B3GALT1: variants seen among roughly 807,000 people sequenced by gnomAD.
B3GALT1 encodes beta-1,3-galactosyltransferase 1.
In B3GALT1, 10 loss-of-function variants were observed where a neutral mutation model predicts 23.2. That is an observed-to-expected ratio of 0.43 (90% CI 0.27 to 0.73). The LOEUF is 0.73. Among genes scored for constraint, B3GALT1 ranks in the 30% least tolerant of loss-of-function variants. The pLI is 0.21. For synonymous variants in B3GALT1, 156 were observed against 141.5 expected (o/e 1.10, Z -0.73); for missense variants, 299 against 405.4 (o/e 0.74, Z 2.25).
intron 3 of B3GALT1, among the ~76,000 whole-genome samples, chr2:167,817,404 T>A (rs1184842597): frequency 6.6e-6 from 1 of 152,212 alleles, no homozygotes; most frequent in Non-Finnish European, 1.5e-5. Context: ...TTTCTATGTA[T>A]TCATTTATTT....
At chr2:167,700,409 C>T (rs1686860192) in intron 3 of B3GALT1, among the ~76,000 whole-genome samples, 1 of 152,032 alleles carries the variant, frequency 6.6e-6, no homozygotes, top group Non-Finnish European at 1.5e-5. Flanking sequence ...GAGAATCACT[C>T]CTTTTCATTG....
At chr2:167,520,946 T>C (rs1349866885) in intron 2 of B3GALT1, among the ~76,000 whole-genome samples, 1 of 152,210 alleles carries the variant, frequency 6.6e-6, no homozygotes, top group Non-Finnish European at 1.5e-5. Context: ...CTGTTAACCA[T>C]TGATCCTCTT....
chr2:167,649,630 A>AT (rs984654857), intron 3 of B3GALT1, among the ~76,000 whole-genome samples: 1 of 152,018 alleles, frequency 6.6e-6, no homozygotes, highest in Non-Finnish European at 1.5e-5. Flanking sequence ...TGTATCAGTA[A>AT]TTTGTTTCCT....
intron 4 of B3GALT1, among the ~76,000 whole-genome samples, chr2:167,842,779 C>T (rs985758070): frequency 1.3e-5 from 2 of 152,032 alleles, no homozygotes; most frequent in South Asian, 2.1e-4. Flanking sequence ...AAGGCTGAGG[C>T]GGGAGGATTA....
intron 2 of B3GALT1, among the ~76,000 whole-genome samples, chr2:167,512,550 A>ATG (rs764551324): frequency 1.1e-5 from 1 of 89,872 alleles, no homozygotes; most frequent in Admixed American, 1.2e-4. Context: ...ATATATGTAT[A>ATG]TATATGTATA....
At chr2:167,841,798 A>G (rs1225750032) in intron 4 of B3GALT1, among the ~76,000 whole-genome samples, 2 of 152,382 alleles carry the variant, frequency 1.3e-5, no homozygotes, top group South Asian at 2.1e-4. Flanking sequence ...TTCAGATTCT[A>G]TATTTGCCAA....
chr2:167,463,144 T>C (rs1283422358), intron 1 of B3GALT1, among the ~76,000 whole-genome samples: 1 of 152,252 alleles, frequency 6.6e-6, no homozygotes, highest in African/African-American at 2.4e-5. Flanking sequence ...CTGTTTCTGA[T>C]AACTATTATA....
chr2:167,796,545 G>A (rs1055083877), intron 3 of B3GALT1, among the ~76,000 whole-genome samples: 1 of 152,088 alleles, frequency 6.6e-6, no homozygotes, highest in African/African-American at 2.4e-5. Flanking sequence ...ACAGGAGTTC[G>A]AGACCAGCCT....
At chr2:167,444,421 A>G (rs111807374) in intron 1 of B3GALT1, among the ~76,000 whole-genome samples, 4,680 of 152,186 alleles carry the variant, frequency 0.031, 224 homozygotes, top group African/African-American at 0.11. Flanking sequence ...TCTATCGATT[A>G]GAATAGTTTC....
intron 1 of B3GALT1, among the ~76,000 whole-genome samples, chr2:167,395,892 A>C (rs891845846): frequency 2.6e-5 from 4 of 152,172 alleles, no homozygotes; most frequent in African/African-American, 9.6e-5. Flanking sequence ...TTAATAACTA[A>C]GAGGAATTTC....
chr2:167,320,688 A>G (rs954183846), intron 1 of B3GALT1, among the ~76,000 whole-genome samples: 3 of 152,164 alleles, frequency 2.0e-5, no homozygotes, highest in African/African-American at 4.8e-5. Flanking sequence ...TGTTTCCTGT[A>G]TAGATTACAA....
chr2:167,308,266 T>C (rs1476669058), intron 1 of B3GALT1, among the ~76,000 whole-genome samples: 1 of 152,028 alleles, frequency 6.6e-6, no homozygotes. Context: ...AAGAATTTAA[T>C]ACCAGAACCT....
chr2:167,522,607 T>G (rs935483522), intron 2 of B3GALT1, among the ~76,000 whole-genome samples: 1 of 152,166 alleles, frequency 6.6e-6, no homozygotes, highest in African/African-American at 2.4e-5. Context: ...GTTGTGTATT[T>G]AATTCACAAA....
At chr2:167,508,255 T>C (rs1004781440) in intron 2 of B3GALT1, among the ~76,000 whole-genome samples, 10 of 134,832 alleles carry the variant, frequency 7.4e-5, no homozygotes, top group African/African-American at 3.1e-4. Flanking sequence ...TTTATTTTTA[T>C]TAATTTTTTT....
At chr2:167,560,375 G>T (rs1683953506) in intron 2 of B3GALT1, among the ~76,000 whole-genome samples, 1 of 152,048 alleles carries the variant, frequency 6.6e-6, no homozygotes, top group Middle Eastern at 3.4e-3. Context: ...AGACCATCGA[G>T]ACTAGGAAGA....
chr2:167,548,722 G>GTA (rs1265126333), intron 2 of B3GALT1, among the ~76,000 whole-genome samples: 1 of 151,228 alleles, frequency 6.6e-6, no homozygotes, highest in Non-Finnish European at 1.5e-5. Context: ...GTGTGTATGT[G>GTA]TGTGTCTATG....
intron 2 of B3GALT1, among the ~76,000 whole-genome samples, chr2:167,562,411 C>G (rs1370036277): frequency 1.3e-5 from 2 of 152,128 alleles, no homozygotes; most frequent in African/African-American, 4.8e-5. Context: ...CAGGGTTGCC[C>G]TCTCTCACCA....
chr2:167,423,835 A>T (rs1167120730), intron 1 of B3GALT1, among the ~76,000 whole-genome samples: 1 of 152,106 alleles, frequency 6.6e-6, no homozygotes, highest in Non-Finnish European at 1.5e-5. Flanking sequence ...ACTTCCCCAC[A>T]TAAAGCAAGG....
intron 1 of B3GALT1, among the ~76,000 whole-genome samples, chr2:167,471,761 G>A (rs1218614472): frequency 2.0e-5 from 3 of 152,066 alleles, no homozygotes; most frequent in South Asian, 2.1e-4. Context: ...CTTTAAAGTA[G>A]GAGTGATGAT....
Sources: gnomAD v4.1 joint callset for allele counts (sites outside exome capture counted in the v4.1 genomes callset) on GRCh38, gnomAD v4.1.1 for gene constraint, MANE v1.5 for transcripts, NCBI Gene and HGNC (gene_info 2026-07-23, HGNC 2026-07-21) for gene names.